MAD1L1: variants seen among roughly 807,000 people sequenced by gnomAD.
The protein encoded by MAD1L1 is mitotic spindle assembly checkpoint protein MAD1.
A neutral mutation model predicts 96.9 loss-of-function variants in MAD1L1; 95 were observed. The ratio of observed to expected loss-of-function variants is 0.98; its 90% confidence interval spans 0.83 to 1.16. The LOEUF (loss-of-function observed/expected upper bound fraction) is 1.16, where lower values mean the gene tolerates loss of function less well. Among genes scored for constraint, MAD1L1 ranks in the 50% most tolerant of loss-of-function variants. The pLI is 0.00. For missense variants in MAD1L1, 1,007 were observed against 954.4 expected, an observed-to-expected ratio of 1.06 and a Z score of -0.73; for synonymous variants, 473 against 396.6, an observed-to-expected ratio of 1.19 and a Z score of -2.29.
At chr7:1,875,632 C>T (rs1435235133) in intron 18 of MAD1L1, among the ~76,000 whole-genome samples, 5 of 152,308 alleles carry the variant, frequency 3.3e-5, no homozygotes, top group Admixed American at 6.5e-5. Context: ...AAAGAGAAGA[C>T]GCCACTCCAG....
rs140236838 is a variant in MAD1L1, at chr7:2,131,543, C to T, written c.1073+17609G>A. The stretch of plus-strand genomic sequence containing the variant: ...TGCTTCTGTTCCCCGACGAGCTTGT[C>T]AGTCCCAGGGGACCTCTGCGCAGGC... On this transcript the variant is annotated intron_variant, in intron 11 of 18. Coordinates refer to ENST00000265854, the MANE Select transcript of MAD1L1 (RefSeq NM_001013836.2). 6.1e-3 allele frequency among the ~76,000 whole-genome samples: 936 copies of T among 152,346 alleles called. 12 individuals carry two copies. Among genetic ancestry groups the T allele is most frequent in the African/African-American group, 0.021 (887 of 41,588 alleles).
intron 18 of MAD1L1, among the ~76,000 whole-genome samples, chr7:1,824,010 G>C (rs1171964223): frequency 1.3e-5 from 2 of 152,184 alleles, no homozygotes; most frequent in Non-Finnish European, 2.9e-5. Context: ...TGGGGGGACG[G>C]AGAGCGGGAA....
chr7:2,213,443 T>C (rs894158972), intron 9 of MAD1L1, among the ~76,000 whole-genome samples, 170 bp from the exon 10 acceptor site: 1 of 152,170 alleles, frequency 6.6e-6, no homozygotes, highest in Non-Finnish European at 1.5e-5. Context: ...GCCGGGTTAT[T>C]ATTCCCCAAC....
Position 2,222,443 on chromosome 7 carries a change from C to A in MAD1L1, c.471+132G>T, listed in dbSNP as rs899468857. The A allele has an allele frequency of 9.1e-5, 65 of 710,762 alleles. No individual in the cohort carries two copies. In the Middle Eastern group the frequency reaches 1.3e-3, roughly 15 times the overall value. 44.0% of individuals were successfully genotyped at this position (710,762 alleles called of 1,614,324 possible). A position where few individuals can be genotyped will look rare whatever the true frequency, so the allele number is the denominator to read the frequency against. The stretch of plus-strand genomic sequence containing the variant: ...AAATTAATACTTCTACTGATGACAA[C>A]TATGTACAAAACGCAGCTGCCCGTG... On this transcript the variant is annotated intron_variant, in intron 5 of 18. Transcript: ENST00000265854.
At chr7:2,220,743 C>G in intron 5 of MAD1L1, 1 of 942,488 alleles carries the variant, frequency 1.1e-6, no homozygotes. Flanking sequence ...GCGTGCTCCC[C>G]ACATGCCCAC....
At chr7:1,962,083 G>C (rs1779976935) in intron 15 of MAD1L1, among the ~76,000 whole-genome samples, 1 of 152,078 alleles carries the variant, frequency 6.6e-6, no homozygotes, top group East Asian at 1.9e-4. Flanking sequence ...GAGTGATGTG[G>C]TGGGAGATAA....
At chr7:1,820,220 A>G (rs1363569738) in intron 18 of MAD1L1, among the ~76,000 whole-genome samples, 1 of 149,982 alleles carries the variant, frequency 6.7e-6, no homozygotes, top group Non-Finnish European at 1.5e-5. Flanking sequence ...AGGAAATAAA[A>G]AAGAGAACAG....
rs954702465 is a variant in MAD1L1 at position 2,110,914 on chromosome 7, G to A, written c.1073+38238C>T. On this transcript the variant is annotated intron_variant, in intron 11 of 18. Transcript: ENST00000265854. ...CCAGCAGAGCCGAGGAGATGACGGC[G>A]CGGGCAAACCCTTCCTGTCCAAACA... Among the ~76,000 whole-genome samples the A allele has an allele frequency of 5.3e-5, 8 of 152,228 alleles. 1 individual carries two copies. Among genetic ancestry groups the A allele is most frequent in the South Asian group, 4.2e-4 (2 of 4,816 alleles).
chr7:1,822,034 A>G (rs112263816), intron 18 of MAD1L1, among the ~76,000 whole-genome samples: 3,101 of 152,252 alleles, frequency 0.02, 109 homozygotes, highest in African/African-American at 0.071. Flanking sequence ...CAATCTGCAG[A>G]AAACTCCTAG....
At chr7:1,916,673 C>T (rs974675223) in intron 17 of MAD1L1, among the ~76,000 whole-genome samples, 10 of 152,214 alleles carry the variant, frequency 6.6e-5, no homozygotes, top group African/African-American at 2.2e-4. Flanking sequence ...TGATCACTGG[C>T]GGGGAGATGA....
At position 1,873,966 on chromosome 7, in the gene MAD1L1, A is replaced by G. The variant is rs1338896064; in HGVS notation, c.1998+24234T>C. Among the ~76,000 whole-genome samples the G allele has an allele frequency of 2.0e-5, 3 of 151,304 alleles. No individual in the cohort carries two copies. The South Asian group carries it at 6.3e-4, about 32-fold the overall frequency. ...AGGCTGAGGCCAGAGGGCCTCTTGGAGCACCCCACGCCAGGGTCAGTTCCG... is the reference window on the plus strand; with the variant it reads ...AGGCTGAGGCCAGAGGGCCTCTTGGGGCACCCCACGCCAGGGTCAGTTCCG... On this transcript the variant is annotated intron_variant, in intron 18 of 18. Coordinates refer to ENST00000265854, the MANE Select transcript of MAD1L1 (RefSeq NM_001013836.2).
intron 12 of MAD1L1, among the ~76,000 whole-genome samples, chr7:2,015,489 C>T (rs1007779067): frequency 9.2e-5 from 14 of 152,232 alleles, no homozygotes; most frequent in Admixed American, 6.5e-5. Flanking sequence ...GCCTCCAGAC[C>T]CTGCGGGTGC....
chr7:1,842,164 T>G (rs575498195), intron 18 of MAD1L1, among the ~76,000 whole-genome samples: 28 of 152,320 alleles, frequency 1.8e-4, no homozygotes, highest in African/African-American at 6.7e-4. Flanking sequence ...AGATCTTGTG[T>G]GTTTGACACT....
chr7:1,961,256 A>G (rs542513744), intron 15 of MAD1L1, among the ~76,000 whole-genome samples: 1 of 152,356 alleles, frequency 6.6e-6, no homozygotes, highest in African/African-American at 2.4e-5. Context: ...AGCTGATTCT[A>G]AAATTCATAT....
chr7:1,922,673 A>T (rs1265079263), intron 17 of MAD1L1, among the ~76,000 whole-genome samples: 1 of 152,084 alleles, frequency 6.6e-6, no homozygotes, highest in African/African-American at 2.4e-5. Flanking sequence ...TGGGACATGG[A>T]CCAAGGCGGT....
chr7:1,823,329 G>A (rs1782225811), intron 18 of MAD1L1, among the ~76,000 whole-genome samples: 1 of 152,148 alleles, frequency 6.6e-6, no homozygotes, highest in South Asian at 2.1e-4. Context: ...TTCAGGATCT[G>A]GATGAGGCAG....
intron 18 of MAD1L1, among the ~76,000 whole-genome samples, chr7:1,897,546 G>A (rs900505142): frequency 2.0e-5 from 3 of 152,204 alleles, no homozygotes; most frequent in Non-Finnish European, 4.4e-5. Flanking sequence ...TCCAGCTGCT[G>A]GAGGTCCAAG....
At chr7:2,061,809 G>GA (rs1784673489) in intron 12 of MAD1L1, among the ~76,000 whole-genome samples, 1 of 152,222 alleles carries the variant, frequency 6.6e-6, no homozygotes, top group African/African-American at 2.4e-5. Flanking sequence ...TTATACAATG[G>GA]AAAACTTAAC....
At chr7:1,919,619 T>A (rs11976042) in intron 17 of MAD1L1, among the ~76,000 whole-genome samples, 7,540 of 152,302 alleles carry the variant, frequency 0.05, 278 homozygotes, top group Admixed American at 0.1. Flanking sequence ...ATCGTCGCCA[T>A]CACCATCATG....
Sources: allele counts gnomAD v4.1 joint callset (sites outside exome capture counted in the v4.1 genomes callset), GRCh38; gene constraint gnomAD v4.1.1; transcripts MANE v1.5; gene names NCBI Gene and HGNC (gene_info 2026-07-23, HGNC 2026-07-21).